The following BLTP1 variants were observed in gnomAD, a reference collection of about 807,000 sequenced individuals.
BLTP1 encodes bridge-like lipid transfer protein family member 1.
the BLTP1 span, chr4:122,254,348 TAA>T: frequency 6.3e-7 from 1 of 1,592,604 alleles, no homozygotes; most frequent in Non-Finnish European, 8.6e-7. Flanking sequence ...ATTTTCTAGG[TAA>T]AGAGTTTTTA....
the BLTP1 span, among the ~76,000 whole-genome samples, chr4:122,323,449 T>G: frequency 6.6e-6 from 1 of 151,938 alleles, no homozygotes; most frequent in Admixed American, 6.6e-5. Context: ...TCTTTTTTTT[T>G]TTTTTTAACC....
At chr4:122,245,636 C>T in the BLTP1 span, among the ~76,000 whole-genome samples, 2 of 152,060 alleles carry the variant, frequency 1.3e-5, no homozygotes, top group African/African-American at 2.4e-5. Context: ...CAGTCATATC[C>T]CAGTGCTCTT....
chr4:122,183,335 CA>C, the BLTP1 span: 32,272 of 716,422 alleles, frequency 0.045, no homozygotes, highest in Middle Eastern at 0.056. Context: ...GACCCTGTCT[CA>C]AAAAAAAAAA....
chr4:122,210,628 T>A, the BLTP1 span, among the ~76,000 whole-genome samples: 1 of 152,174 alleles, frequency 6.6e-6, no homozygotes, highest in African/African-American at 2.4e-5. Flanking sequence ...ATGTTGTTTA[T>A]GTTAACAGAA....
At chr4:122,212,831 C>A in the BLTP1 span, among the ~76,000 whole-genome samples, 1 of 152,034 alleles carries the variant, frequency 6.6e-6, no homozygotes, top group Admixed American at 6.6e-5. Flanking sequence ...TTGTCTTGCC[C>A]TAAATATTAT....
the BLTP1 span, chr4:122,180,143 GTAAA>G: frequency 2.0e-6 from 2 of 985,062 alleles, no homozygotes; most frequent in African/African-American, 1.7e-5. Flanking sequence ...GACAAAGGAG[GTAAA>G]TAAATAGTAG....
the BLTP1 span, chr4:122,220,990 C>T: frequency 3.5e-6 from 2 of 568,510 alleles, no homozygotes; most frequent in Non-Finnish European, 4.4e-6. Flanking sequence ...TATTACATTT[C>T]TGGGTAGATT....
the BLTP1 span, among the ~76,000 whole-genome samples, chr4:122,211,815 T>G: frequency 6.6e-6 from 1 of 152,188 alleles, no homozygotes; most frequent in Non-Finnish European, 1.5e-5. Context: ...GAAATCACTC[T>G]TATTCTTTTG....
the BLTP1 span, among the ~76,000 whole-genome samples, chr4:122,294,302 C>G: frequency 3.9e-4 from 60 of 152,242 alleles, 1 homozygote; most frequent in Non-Finnish European, 1.5e-4. Context: ...TTCTGCCCAA[C>G]TGGATGAGAC....
At chr4:122,198,546 C>T in the BLTP1 span, 4 of 638,752 alleles carry the variant, frequency 6.3e-6, no homozygotes, top group Admixed American at 1.3e-4. Flanking sequence ...AATACTGGTA[C>T]ACTGGAGTAA....
At chr4:122,334,510 C>A in the BLTP1 span, 2 of 1,612,718 alleles carry the variant, frequency 1.2e-6, no homozygotes, top group Non-Finnish European at 1.7e-6. Context: ...AAGACTAACA[C>A]CTTACTTCCT....
the BLTP1 span, among the ~76,000 whole-genome samples, chr4:122,166,287 C>A: frequency 2.0e-5 from 3 of 152,306 alleles, no homozygotes; most frequent in African/African-American, 7.2e-5. Context: ...CAGCTTTCTA[C>A]ATATGGCTAG....
the BLTP1 span, chr4:122,349,034 A>T: frequency 1.3e-6 from 1 of 749,016 alleles, no homozygotes; most frequent in South Asian, 2.8e-5. The surrounding 1 kb of genome is among the most constrained non-coding windows in gnomAD (Gnocchi z 4.5). Flanking sequence ...TATATAAAGT[A>T]TGTTGTTTCA....
chr4:122,344,292 G>A, the BLTP1 span: 2 of 1,335,288 alleles, frequency 1.5e-6, no homozygotes, highest in South Asian at 3.0e-5. Flanking sequence ...GCATATTACA[G>A]TATATTAGAT....
chr4:122,265,685 A>G, the BLTP1 span, among the ~76,000 whole-genome samples: 5 of 151,932 alleles, frequency 3.3e-5, 1 homozygote, highest in Middle Eastern at 0.017. Flanking sequence ...GTCCATTTAG[A>G]TATTTTTTTG....
the BLTP1 span, chr4:122,347,707 G>C: frequency 1.2e-6 from 2 of 1,613,696 alleles, no homozygotes; most frequent in Non-Finnish European, 1.7e-6. Flanking sequence ...ACCAGGGACA[G>C]TAGGACAGAG....
chr4:122,230,293 A>T, the BLTP1 span: 1 of 1,143,984 alleles, frequency 8.7e-7, no homozygotes, highest in African/African-American at 1.5e-5. Context: ...TTCTACTGAG[A>T]GAATGGACTA....
At chr4:122,183,404 G>T in the BLTP1 span, 4 of 969,650 alleles carry the variant, frequency 4.1e-6, no homozygotes, top group Non-Finnish European at 4.9e-6. Flanking sequence ...TAGAATCAGA[G>T]AATTTCTAAA....
chr4:122,186,304 TA>T, the BLTP1 span: 1 of 966,752 alleles, frequency 1.0e-6, no homozygotes, highest in Non-Finnish European at 1.4e-6. Flanking sequence ...GCTATGCACC[TA>T]AACAGAGCCT....
Sources: gnomAD v4.1 joint callset for allele counts (sites outside exome capture counted in the v4.1 genomes callset) on GRCh38, gnomAD v4.1.1 for gene constraint, Gnocchi (gnomAD v3.1) non-coding constraint, MANE v1.5 for transcripts, NCBI Gene and HGNC (gene_info 2026-07-23, HGNC 2026-07-21) for gene names.